Variants in OSBPL6 observed in about 807,000 individuals in gnomAD.
The protein encoded by OSBPL6 is oxysterol binding protein like 6, also known as oxysterol-binding protein-related protein 6.
Under a neutral mutation model 125.8 loss-of-function variants are expected in OSBPL6, and 49 were observed. The ratio of observed to expected loss-of-function variants is 0.39; its 90% CI spans 0.31 to 0.49. The LOEUF is 0.49. Among genes scored for constraint, OSBPL6 ranks in the 20% least tolerant of loss-of-function variants. The pLI, the probability that OSBPL6 is intolerant of heterozygous loss-of-function variation, is 0.88. For synonymous variants in OSBPL6, 394 were observed against 391.8 expected, an observed-to-expected ratio of 1.01 and a Z score of -0.07; for missense variants, 986 against 1,135.4, an observed-to-expected ratio of 0.87 and a Z score of 1.89.
At chr2:178,259,664 A>G (rs2091995218) in intron 1 of OSBPL6, among the ~76,000 whole-genome samples, 1 of 152,182 alleles carries the variant, frequency 6.6e-6, no homozygotes, top group Admixed American at 6.5e-5. Context: ...GCTTTTAGGG[A>G]AGACATATGT....
intron 6 of OSBPL6, among the ~76,000 whole-genome samples, chr2:178,332,418 A>G (rs986927844): frequency 6.6e-6 from 1 of 152,252 alleles, no homozygotes; most frequent in Non-Finnish European, 1.5e-5. Context: ...CAGGAATAAG[A>G]TGAATAGTCT....
At chr2:178,322,929 A>C (rs938377256) in intron 3 of OSBPL6, among the ~76,000 whole-genome samples, 5 of 151,964 alleles carry the variant, frequency 3.3e-5, no homozygotes, top group African/African-American at 1.2e-4. Context: ...AAAAAAAAAA[A>C]AAAAAACCTT....
rs529390272 is a variant in OSBPL6, at chr2:178,249,753, C to T, written c.-350-35174C>T. On this transcript the variant is annotated intron_variant, in intron 1 of 24. Coordinates refer to ENST00000190611, the MANE Select transcript of OSBPL6 (RefSeq NM_032523.4). ...TTGGTTGTTATCAATATGCTGTTGG[C>T]ACCCAGAGACTGACTTTCGAGCCAA... 1.2e-3 allele frequency among the ~76,000 whole-genome samples: 184 copies of T among 151,974 alleles called. 1 individual carries two copies. The highest frequency in any genetic ancestry group is 5.6e-3 in the Admixed American group (85 of 15,270).
intron 3 of OSBPL6, among the ~76,000 whole-genome samples, chr2:178,315,085 A>C (rs1021293272): frequency 6.6e-6 from 1 of 152,244 alleles, no homozygotes; most frequent in Non-Finnish European, 1.5e-5. Flanking sequence ...AACTGTTGCC[A>C]TCATAGGTGA....
In OSBPL6 at chr2:178,283,191, T is replaced by A. The variant is rs56337705; in HGVS notation, c.-350-1736T>A. On this transcript the variant is annotated intron_variant, in intron 1 of 24. Transcript: ENST00000190611. The stretch of plus-strand genomic sequence containing the variant: ...TCTTACAACACAGTAGAATTTTTTT[T>A]AAAAATGTTATTTAAAGAAGTGGAA... Among the ~76,000 whole-genome samples the A allele has an allele frequency of 6.7e-3, 1,024 of 152,232 alleles. 5 individuals carry two copies. The highest frequency in any genetic ancestry group is 8.9e-3 in the African/African-American group (369 of 41,544).
At chr2:178,385,213 A>G (rs1271311192) in intron 18 of OSBPL6, among the ~76,000 whole-genome samples, 1 of 152,182 alleles carries the variant, frequency 6.6e-6, no homozygotes, top group African/African-American at 2.4e-5. Context: ...CTGCACATGT[A>G]TCCCAGAACT....
In OSBPL6 at chr2:178,209,691, A is replaced by G. The variant is rs1177685985; in HGVS notation, c.-351+15017A>G. 4.6e-5 allele frequency among the ~76,000 whole-genome samples: 7 copies of G among 151,984 alleles called. No homozygotes were observed. In the East Asian group the frequency reaches 7.7e-4, roughly 17 times the overall value. On this transcript the variant is annotated intron_variant, in intron 1 of 24. Coordinates refer to ENST00000190611, the MANE Select transcript of OSBPL6 (RefSeq NM_032523.4). ...CAAGGGAGCTGATTTGAGAGCTTCA[A>G]GCACTCAAGTGGGTCTTTTAAACTG...
At chr2:178,228,793 C>T (rs1015059492) in intron 1 of OSBPL6, among the ~76,000 whole-genome samples, 2 of 152,052 alleles carry the variant, frequency 1.3e-5, no homozygotes, top group African/African-American at 2.4e-5. Context: ...AAATTTTCAT[C>T]AGAAATACTT....
At chr2:178,317,459 T>TATATAA (rs1687850842) in intron 3 of OSBPL6, among the ~76,000 whole-genome samples, 1 of 128,792 alleles carries the variant, frequency 7.8e-6, no homozygotes, top group Non-Finnish European at 1.6e-5. Context: ...TATATATATA[T>TATATAA]ATATATATAT....
At chr2:178,345,395 G>A (rs2154085521) in intron 11 of OSBPL6, among the ~76,000 whole-genome samples, 1 of 152,280 alleles carries the variant, frequency 6.6e-6, no homozygotes, top group Middle Eastern at 3.4e-3. Context: ...ATTGGCTCTT[G>A]CCTTATATGT....
chr2:178,339,816 T>C, intron 11 of OSBPL6, 52 bp downstream of exon 11: 1 of 1,357,816 alleles, frequency 7.4e-7, no homozygotes, highest in Non-Finnish European at 1.0e-6. Flanking sequence ...TTTAAAGTAC[T>C]AGTCTTTATA....
intron 15 of OSBPL6, among the ~76,000 whole-genome samples, chr2:178,380,376 A>G (rs1192853644): frequency 7.0e-6 from 1 of 141,918 alleles, no homozygotes; most frequent in Non-Finnish European, 1.5e-5. Context: ...CCTTGAGCCC[A>G]GGAGTTATGA....
intron 2 of OSBPL6, among the ~76,000 whole-genome samples, chr2:178,292,494 C>T (rs527681527): frequency 6.6e-6 from 1 of 152,266 alleles, no homozygotes; most frequent in Non-Finnish European, 1.5e-5. Flanking sequence ...AAAACTTCAA[C>T]TGTATATGGC....
intron 10 of OSBPL6, among the ~76,000 whole-genome samples, chr2:178,339,430 T>C (rs1216764651): frequency 2.0e-5 from 3 of 152,184 alleles, no homozygotes; most frequent in Non-Finnish European, 4.4e-5. Context: ...CATATAGAAA[T>C]CAAAGCTAGA....
At chr2:178,319,218 G>A (rs1259088115) in intron 3 of OSBPL6, among the ~76,000 whole-genome samples, 1 of 152,202 alleles carries the variant, frequency 6.6e-6, no homozygotes, top group Non-Finnish European at 1.5e-5. Flanking sequence ...TGTCTGGTTT[G>A]AGTGTGTTTT....
At chr2:178,367,882 C>T in intron 13 of OSBPL6, among the ~76,000 whole-genome samples, 1 of 152,146 alleles carries the variant, frequency 6.6e-6, no homozygotes, top group Non-Finnish European at 1.5e-5. Flanking sequence ...CCTGTTAGGC[C>T]TTTGGTCCTG....
chr2:178,222,354 A>T (rs6719178), intron 1 of OSBPL6, among the ~76,000 whole-genome samples: 60,590 of 152,062 alleles, frequency 0.4, 12,593 homozygotes, highest in African/African-American at 0.51. Context: ...GATAAAATAA[A>T]ACAGAATCGG....
chr2:178,341,477 T>C (rs545315431), intron 11 of OSBPL6, among the ~76,000 whole-genome samples: 73 of 151,866 alleles, frequency 4.8e-4, no homozygotes, highest in Non-Finnish European at 9.6e-4. Flanking sequence ...AGCTAGAAAA[T>C]ATTCATTCAT....
chr2:178,272,985 G>A (rs2092401396), intron 1 of OSBPL6, among the ~76,000 whole-genome samples: 2 of 152,218 alleles, frequency 1.3e-5, no homozygotes, highest in South Asian at 4.1e-4. Flanking sequence ...TGAAAGTTAA[G>A]ATCCTGGATA....
Sources: allele counts gnomAD v4.1 joint callset (sites outside exome capture counted in the v4.1 genomes callset), GRCh38; gene constraint gnomAD v4.1.1; transcripts MANE v1.5; gene names NCBI Gene and HGNC (gene_info 2026-07-23, HGNC 2026-07-21).